Variants in CUX1 observed in about 807,000 individuals in gnomAD.
CUX1 encodes protein CASP.
In CUX1, 31 loss-of-function variants were observed where a neutral mutation model predicts 158.8. The ratio of observed to expected loss-of-function variants is 0.20; its 90% CI spans 0.15 to 0.26. The LOEUF (loss-of-function observed/expected upper bound fraction) is 0.26. Ranked by LOEUF, CUX1 falls within the 10% of genes least tolerant of loss-of-function variation. The pLI is 1.00. For synonymous variants in CUX1, 879 were observed against 862.1 expected, an observed-to-expected ratio of 1.02 and a Z score of -0.34; for missense variants, 1,589 against 2,014.6, an observed-to-expected ratio of 0.79 and a Z score of 4.04.
chr7:102,143,371 C>T (rs187320508), intron 8 of CUX1, among the ~76,000 whole-genome samples: 1 of 152,260 alleles, frequency 6.6e-6, no homozygotes, highest in Non-Finnish European at 1.5e-5. Flanking sequence ...TGGGCTCAAA[C>T]GATCCACCCA....
rs199850961 is a variant in CUX1 at position 102,180,016 on chromosome 7, C to CGTT, written c.1017+1378_1017+1380dup. On this transcript the variant is annotated intron_variant, in intron 11 of 23. Transcript: ENST00000292535. ...TGTACTTAGGTCCATTGTGTTTTGTCGTTGTTGTTGTTGTTGTTGTTTTTG... is the reference window on the plus strand; with the variant it reads ...TGTACTTAGGTCCATTGTGTTTTGTCGTTGTTGTTGTTGTTGTTGTTGTTTTTG... Among the ~76,000 whole-genome samples, 117 of 152,102 alleles carry CGTT rather than the reference C, an allele frequency of 7.7e-4. 1 individual carries two copies. In the East Asian group the frequency reaches 0.013, roughly 17 times the overall value.
chr7:102,060,111 TA>T (rs1221213238), intron 3 of CUX1, among the ~76,000 whole-genome samples: 3 of 104,154 alleles, frequency 2.9e-5, no homozygotes, highest in African/African-American at 8.1e-5. Flanking sequence ...CTGTCTTTAC[TA>T]AAAAAATACA....
chr7:101,856,025 A>C (rs1333167596), intron 1 of CUX1, among the ~76,000 whole-genome samples: 1 of 151,824 alleles, frequency 6.6e-6, no homozygotes, highest in Non-Finnish European at 1.5e-5. Context: ...ACAAAAAATA[A>C]GAAAAATTGG....
At chr7:102,264,297 C>T (rs546348373) in intron 14 of CUX1, among the ~76,000 whole-genome samples, 16 of 152,302 alleles carry the variant, frequency 1.1e-4, no homozygotes, top group Non-Finnish European at 1.6e-4. Context: ...TGAGCCATCG[C>T]GCCCAGCCCA....
chr7:102,058,441 A>ATT (rs35906137), intron 3 of CUX1, among the ~76,000 whole-genome samples: 63 of 146,812 alleles, frequency 4.3e-4, no homozygotes, highest in African/African-American at 1.5e-3. Context: ...CACCTGGCTA[A>ATT]TTTTTTTTTT....
Position 102,255,816 on chromosome 7 carries a change from C to T in CUX1, c.*6774C>T, listed in dbSNP as rs1789832307. ...TATAATTCTTTTTTCCCCCCTTTTC[C>T]TTCTTCTTTTTTATTATTTTATTAT... On this transcript the variant is annotated 3_prime_UTR_variant, in exon 24 of 24. Coordinates refer to ENST00000292535, the MANE Select transcript of CUX1 (RefSeq NM_181552.4). 2 of 984,350 alleles carry T rather than the reference C, an allele frequency of 2.0e-6. No individual in the cohort carries two copies. Among genetic ancestry groups the T allele is most frequent in the East Asian group, 1.1e-4 (1 of 8,812 alleles). The allele number at this position is 984,350 out of a possible 1,614,324, so 61.0% of individuals were successfully genotyped here. A position where few individuals can be genotyped will look rare whatever the true frequency, so the allele number is the denominator to read the frequency against.
intron 2 of CUX1, among the ~76,000 whole-genome samples, chr7:102,010,282 C>A (rs1356077610): frequency 1.3e-5 from 2 of 151,504 alleles, no homozygotes; most frequent in South Asian, 4.2e-4. Flanking sequence ...GTAGCCCCAG[C>A]TACTCAGGAG....
intron 1 of CUX1, among the ~76,000 whole-genome samples, chr7:101,888,380 T>G (rs7803747): frequency 0.42 from 64,062 of 152,044 alleles, 13,964 homozygotes; most frequent in African/African-American, 0.49. Flanking sequence ...TACCTGACAC[T>G]GTGCTTTATC....
At chr7:102,038,292 T>C (rs913730983) in intron 3 of CUX1, among the ~76,000 whole-genome samples, 4 of 152,156 alleles carry the variant, frequency 2.6e-5, no homozygotes, top group African/African-American at 9.7e-5. Context: ...TGGCCATGAT[T>C]TACAAATCTG....
intron 2 of CUX1, chr7:101,960,011 A>G (rs1810278108): frequency 6.6e-6 from 1 of 152,182 alleles, no homozygotes; most frequent in African/African-American, 2.4e-5. Flanking sequence ...GTTGCGTAAG[A>G]ATCGCACGGT....
At chr7:101,905,940 A>T (rs938982874) in intron 1 of CUX1, among the ~76,000 whole-genome samples, 3 of 150,616 alleles carry the variant, frequency 2.0e-5, no homozygotes, top group African/African-American at 7.3e-5. Context: ...CTCCCACCTC[A>T]GCCTCCCAAA....
chr7:102,229,302 CTTT>C (rs11348387), intron 21 of CUX1, among the ~76,000 whole-genome samples: 21 of 120,950 alleles, frequency 1.7e-4, no homozygotes, highest in Non-Finnish European at 1.4e-4. Flanking sequence ...GGTGTTTCAT[CTTT>C]TTTTTTTTTT....
chr7:102,034,988 CATCTT>C (rs1408546892), intron 3 of CUX1, among the ~76,000 whole-genome samples: 1 of 148,248 alleles, frequency 6.7e-6, no homozygotes, highest in Non-Finnish European at 1.5e-5. Flanking sequence ...TAGAGGGAAA[CATCTT>C]AGGAATAGAG....
At chr7:102,188,443 A>G (rs1793869267) in intron 11 of CUX1, among the ~76,000 whole-genome samples, 1 of 152,110 alleles carries the variant, frequency 6.6e-6, no homozygotes, top group Non-Finnish European at 1.5e-5. Flanking sequence ...CAGAGAAGAA[A>G]GCACCCCCTA....
At chr7:102,281,935 G>C (rs77033884) in intron 21 of CUX1, 1 of 1,584,040 alleles carries the variant, frequency 6.3e-7, no homozygotes, top group East Asian at 2.2e-5. Flanking sequence ...GTGTGCACAC[G>C]GGCGGGCCAG....
chr7:101,978,144 C>T (rs548632041), intron 2 of CUX1, among the ~76,000 whole-genome samples: 60 of 152,188 alleles, frequency 3.9e-4, no homozygotes, highest in African/African-American at 1.4e-3. Context: ...CATCGACTCT[C>T]GTGGCTTAAA....
intron 8 of CUX1, among the ~76,000 whole-genome samples, chr7:102,130,000 C>T (rs1833042248): frequency 6.6e-6 from 1 of 152,140 alleles, no homozygotes; most frequent in Admixed American, 6.5e-5. Flanking sequence ...GAAAAGTTTC[C>T]TATAGGAAGG....
intron 10 of CUX1, among the ~76,000 whole-genome samples, chr7:102,178,087 A>G (rs911867245): frequency 6.6e-6 from 1 of 152,132 alleles, no homozygotes; most frequent in Non-Finnish European, 1.5e-5. Flanking sequence ...TTTTTAGTAG[A>G]GACGGGGTTT....
intron 3 of CUX1, among the ~76,000 whole-genome samples, chr7:102,058,857 G>A (rs2130303755): frequency 6.6e-6 from 1 of 152,292 alleles, no homozygotes; most frequent in South Asian, 2.1e-4. Context: ...TAAACTTTTT[G>A]GGAGCAGCAG....
Sources: allele counts gnomAD v4.1 joint callset (sites outside exome capture counted in the v4.1 genomes callset), GRCh38; gene constraint gnomAD v4.1.1; transcripts MANE v1.5; gene names NCBI Gene and HGNC (gene_info 2026-07-23, HGNC 2026-07-21).